Variants in TENM3 observed in about 807,000 individuals in gnomAD.
The protein encoded by TENM3 is teneurin transmembrane protein 3.
Under a neutral mutation model 255.1 loss-of-function variants are expected in TENM3, and 63 were observed. The observed-to-expected ratio is 0.25, with a 90% confidence interval of 0.20 to 0.30. The LOEUF (loss-of-function observed/expected upper bound fraction) is 0.30. Among genes scored for constraint, TENM3 ranks in the 10% least tolerant of loss-of-function variants. The probability of loss-of-function intolerance (pLI) is 1.00; values close to 1 mark genes in which losing one functional copy is unlikely to be tolerated. For synonymous variants in TENM3, 1,306 were observed against 1,322.3 expected (o/e 0.99, Z 0.27); for missense variants, 2,929 against 3,461.1 (o/e 0.85, Z 3.86).
At chr4:181,467,125 A>T in the TENM3 span, among the ~76,000 whole-genome samples, 382 of 16,684 alleles carry the variant, frequency 0.023, 2 homozygotes, top group Admixed American at 0.051. Flanking sequence ...ATATATATAT[A>T]TTTTTTTTTT....
In TENM3 at chr4:182,736,967, A is replaced by G; in HGVS notation, c.3127A>G (p.Arg1043Gly). The G allele has an allele frequency of 6.2e-7, 1 of 1,613,918 alleles. No individual in the cohort carries two copies. Among genetic ancestry groups the G allele is most frequent in the African/African-American group, 1.3e-5 (1 of 75,052 alleles). ...TCATCTTATGGTAGCTGTAGTAGGA[A>G]GACTCTTCCAAAAGTGGTTTCCTGC... ...KVHLMVAVVG[R>G]LFQKWFPASP... The change falls in exon 17 of 28, where the codon AGA becomes GGA. Residue 1043 changes from arginine to glycine, a missense_variant. By Grantham distance (125) the Arg-to-Gly change is moderately radical. Transcript: ENST00000511685.
rs1469243036 is a variant in TENM3, at chr4:182,800,362, G to A, written c.*11G>A. On this transcript the variant is annotated 3_prime_UTR_variant, in exon 28 of 28. Coordinates refer to ENST00000511685, the MANE Select transcript of TENM3 (RefSeq NM_001080477.4). The stretch of plus-strand genomic sequence containing the variant: ...ATCGGCAGGAGGTAACGCCCGGGCC[G>A]CGCCCGCCGAGCCGCTCACGCCCTG... The A allele has an allele frequency of 1.3e-6, 2 of 1,504,658 alleles. No homozygotes were observed. The highest frequency in any genetic ancestry group is 2.0e-5 in the Admixed American group (1 of 49,252). 93.2% of individuals were successfully genotyped at this position (1,504,658 alleles called of 1,614,324 possible).
At chr4:182,210,220 G>T (rs1160539025) in intron 1 of TENM3, among the ~76,000 whole-genome samples, 1 of 152,078 alleles carries the variant, frequency 6.6e-6, no homozygotes, top group Admixed American at 6.5e-5. Context: ...CCTTCAGAGA[G>T]GTCTCCTTTA....
At chr4:182,207,200 G>A (rs1754641149) in intron 1 of TENM3, among the ~76,000 whole-genome samples, 1 of 152,188 alleles carries the variant, frequency 6.6e-6, no homozygotes, top group African/African-American at 2.4e-5. Context: ...TTAGTCAGAG[G>A]TTGCTGCGTG....
At chr4:181,560,284 T>C in the TENM3 span, among the ~76,000 whole-genome samples, 1 of 152,190 alleles carries the variant, frequency 6.6e-6, no homozygotes, top group African/African-American at 2.4e-5. Flanking sequence ...GGGCCCACCC[T>C]CATGACCTAA....
the TENM3 span, among the ~76,000 whole-genome samples, chr4:181,558,795 T>C: frequency 1.6e-4 from 25 of 152,346 alleles, no homozygotes; most frequent in African/African-American, 5.1e-4. Context: ...TTAATCAAAT[T>C]TTATGGTTAA....
At position 182,681,893 on chromosome 4, in the gene TENM3, T is replaced by C; in HGVS notation, c.1914T>C (p.Gly638=). 1.9e-6 allele frequency: 3 copies of C among 1,613,626 alleles called. No individual in the cohort carries two copies. Among genetic ancestry groups the C allele is most frequent in the Non-Finnish European group, 1.7e-6 (2 of 1,179,796 alleles). The change falls in exon 11 of 28, where the codon GGT becomes GGC. Residue 638 remains glycine (G), a synonymous_variant. Coordinates refer to ENST00000511685, the MANE Select transcript of TENM3 (RefSeq NM_001080477.4). Reference sequence around the variant, plus strand: ...GTCACTGCAGTCCAGGATGGGGAGGTAGCAATTGTGAAATACTGAAGACCA... The same window carrying C: ...GTCACTGCAGTCCAGGATGGGGAGGCAGCAATTGTGAAATACTGAAGACCA... ...GECHCSPGWG[G]SNCEILKTMC...
At chr4:181,896,218 T>A in the TENM3 span, among the ~76,000 whole-genome samples, 2 of 152,176 alleles carry the variant, frequency 1.3e-5, no homozygotes, top group African/African-American at 2.4e-5. Context: ...GAGTAAATAG[T>A]CTTATTCCCC....
At chr4:182,587,200 C>T (rs1385579150) in intron 3 of TENM3, among the ~76,000 whole-genome samples, 2 of 152,004 alleles carry the variant, frequency 1.3e-5, no homozygotes, top group African/African-American at 4.8e-5. Flanking sequence ...AAGTGATCCT[C>T]CCATCTCAGC....
chr4:181,454,745 T>C, the TENM3 span, among the ~76,000 whole-genome samples: 2 of 139,810 alleles, frequency 1.4e-5, no homozygotes, highest in African/African-American at 5.4e-5. Context: ...GTGTTACAAT[T>C]GCCTACAGTT....
chr4:181,620,154 G>A, the TENM3 span, among the ~76,000 whole-genome samples: 29 of 152,100 alleles, frequency 1.9e-4, no homozygotes, highest in East Asian at 2.9e-3. Flanking sequence ...CCAGCTACTC[G>A]GGAGGCTGAG....
intron 3 of TENM3, among the ~76,000 whole-genome samples, chr4:182,552,938 C>G (rs1560912568): frequency 2.0e-5 from 3 of 152,142 alleles, no homozygotes. Flanking sequence ...TATCATCTTT[C>G]AGAAAATTAT....
the TENM3 span, among the ~76,000 whole-genome samples, chr4:181,804,655 G>A: frequency 6.6e-6 from 1 of 152,174 alleles, no homozygotes; most frequent in Non-Finnish European, 1.5e-5. Context: ...TGTGGAGAGT[G>A]TTGGGTGTAG....
intron 3 of TENM3, among the ~76,000 whole-genome samples, chr4:182,355,862 G>A (rs1258117107): frequency 6.6e-6 from 1 of 151,224 alleles, no homozygotes; most frequent in African/African-American, 2.4e-5. Context: ...TGTTTGATGT[G>A]TCTGTGGGCC....
chr4:181,548,845 A>G, the TENM3 span, among the ~76,000 whole-genome samples: 3 of 152,178 alleles, frequency 2.0e-5, no homozygotes, highest in Non-Finnish European at 2.9e-5. Flanking sequence ...TTGTGATATT[A>G]AAAGTATGAC....
At chr4:182,020,872 C>T in the TENM3 span, among the ~76,000 whole-genome samples, 1 of 152,164 alleles carries the variant, frequency 6.6e-6, no homozygotes, top group African/African-American at 2.4e-5. Flanking sequence ...ATCCTCCTTG[C>T]CAATCAGTCC....
chr4:182,220,553 TG>T (rs5864773), intron 1 of TENM3, among the ~76,000 whole-genome samples: 96,328 of 151,812 alleles, frequency 0.63, 31,009 homozygotes, highest in Middle Eastern at 0.71. Flanking sequence ...GGTCCAAATG[TG>T]GGGGGCACTG....
At chr4:181,468,538 A>ATC in the TENM3 span, among the ~76,000 whole-genome samples, 1 of 152,160 alleles carries the variant, frequency 6.6e-6, no homozygotes, top group Non-Finnish European at 1.5e-5. Flanking sequence ...TTTGACCACC[A>ATC]TCTGTATAGT....
intron 13 of TENM3, among the ~76,000 whole-genome samples, chr4:182,720,171 T>A (rs1181052086): frequency 6.6e-6 from 1 of 151,896 alleles, no homozygotes; most frequent in Non-Finnish European, 1.5e-5. Flanking sequence ...AATATAAACA[T>A]GAGAATGAGT....
Sources: allele counts gnomAD v4.1 joint callset (sites outside exome capture counted in the v4.1 genomes callset), GRCh38; gene constraint gnomAD v4.1.1; transcripts MANE v1.5; gene names NCBI Gene and HGNC (gene_info 2026-07-23, HGNC 2026-07-21).